Variants in CDH12 observed in about 807,000 individuals in gnomAD.
The protein encoded by CDH12 is cadherin-12.
A neutral mutation model predicts 74.1 loss-of-function variants in CDH12; 41 were observed. The observed-to-expected ratio is 0.55, with a 90% CI of 0.43 to 0.72. The LOEUF is 0.72. CDH12 is among the 30% of genes least tolerant of loss of function. CDH12 has a pLI of 0.00. For synonymous variants in CDH12, 399 were observed against 355.0 expected, an observed-to-expected ratio of 1.12 and a Z score of -1.39; for missense variants, 945 against 977.2, an observed-to-expected ratio of 0.97 and a Z score of 0.44.
Position 21,907,445 on chromosome 5 carries a change from G to A in CDH12, c.527-52655C>T, listed in dbSNP as rs916373767. On this transcript the variant is annotated intron_variant, in intron 6 of 14. Coordinates refer to ENST00000382254, the MANE Select transcript of CDH12 (RefSeq NM_004061.5). Reference sequence around the variant, plus strand: ...CACATAAAATACAATTTGCTCCTATGTTGGCAAAGGGAGGGCCTTGCAGGT... The same window carrying A: ...CACATAAAATACAATTTGCTCCTATATTGGCAAAGGGAGGGCCTTGCAGGT... Among the ~76,000 whole-genome samples the A allele has an allele frequency of 3.3e-5, 5 of 152,304 alleles. No homozygotes were observed. In the South Asian group the frequency reaches 6.2e-4, roughly 19 times the overall value.
chr5:22,830,451 C>A (rs940705767), intron 1 of CDH12, among the ~76,000 whole-genome samples: 2 of 151,736 alleles, frequency 1.3e-5, no homozygotes, highest in Non-Finnish European at 2.9e-5. Flanking sequence ...CTTGAGTTAT[C>A]TGGATATTTT....
chr5:22,235,907 G>A (rs1752544900), intron 3 of CDH12, among the ~76,000 whole-genome samples: 1 of 152,166 alleles, frequency 6.6e-6, no homozygotes, highest in Admixed American at 6.6e-5. Flanking sequence ...ACACACCTGG[G>A]CTATATGGTG....
chr5:21,966,161 T>A (rs1039702616), intron 6 of CDH12, among the ~76,000 whole-genome samples: 5 of 102,286 alleles, frequency 4.9e-5, no homozygotes, highest in African/African-American at 2.0e-4. Context: ...TTTTTACGTT[T>A]TTTTTTTTTT....
intron 1 of CDH12, among the ~76,000 whole-genome samples, chr5:22,692,368 T>C (rs1191331370): frequency 6.6e-6 from 1 of 152,222 alleles, no homozygotes; most frequent in Non-Finnish European, 1.5e-5. Context: ...CTAACCCATG[T>C]GGCATTTCAA....
intron 1 of CDH12, among the ~76,000 whole-genome samples, chr5:22,541,433 A>G (rs1738096861): frequency 6.6e-6 from 1 of 152,210 alleles, no homozygotes; most frequent in Non-Finnish European, 1.5e-5. Context: ...GTGAGGCACC[A>G]TGTTTTATCT....
intron 3 of CDH12, among the ~76,000 whole-genome samples, chr5:22,222,970 A>G (rs904917276): frequency 3.9e-5 from 6 of 151,932 alleles, no homozygotes; most frequent in African/African-American, 1.5e-4. Flanking sequence ...CAATACTTAT[A>G]TTTAATATGT....
At chr5:21,848,617 A>G (rs891105213) in intron 7 of CDH12, among the ~76,000 whole-genome samples, 2 of 151,970 alleles carry the variant, frequency 1.3e-5, no homozygotes, top group African/African-American at 2.4e-5. Context: ...TTGCATTTGT[A>G]TATGATTTTT....
At chr5:22,145,848 A>G (rs946359688) in intron 4 of CDH12, among the ~76,000 whole-genome samples, 56 of 152,212 alleles carry the variant, frequency 3.7e-4, no homozygotes, top group Middle Eastern at 3.4e-3. Flanking sequence ...AGAAGGTCTA[A>G]GTATTGAGAT....
chr5:22,541,789 G>A (rs1738112740), intron 1 of CDH12, among the ~76,000 whole-genome samples: 1 of 152,188 alleles, frequency 6.6e-6, no homozygotes, highest in Non-Finnish European at 1.5e-5. Flanking sequence ...AAATGACAAT[G>A]AGTAAAACTA....
intron 6 of CDH12, chr5:21,883,362 G>A: frequency 6.5e-7 from 1 of 1,532,008 alleles, no homozygotes. Flanking sequence ...CCAGTCCATT[G>A]TACCTGCTCT....
chr5:21,765,004 C>T lies in CDH12; in HGVS notation c.1489G>A (p.Val497Met), dbSNP rs150229492. Residue 497 changes from valine (V) to methionine (M), a missense_variant, in exon 12 of 15, where the codon GTG becomes ATG. Physicochemically the swap from Val to Met is conservative, Grantham distance 21. Around this residue, in one of 3 missense-constraint regions of CDH12, gnomAD observed 791 missense variants for 792.8 expected, o/e 1.00. Transcript: ENST00000382254. The part of the protein sequence containing the change: ...PEISVPYETA[V>M]CENAKPGQII... ...TGTCCTGGCTTGGCATTTTCACACACGGCTGTCTCATATGGCACAGATATT... is the reference window on the plus strand; with the variant it reads ...TGTCCTGGCTTGGCATTTTCACACATGGCTGTCTCATATGGCACAGATATT... The T allele has an allele frequency of 2.0e-4, 315 of 1,613,404 alleles. No individual in the cohort carries two copies. Among genetic ancestry groups the T allele is most frequent in the Non-Finnish European group, 8.1e-5 (96 of 1,179,676 alleles).
chr5:22,335,374 A>C (rs1214532635), intron 3 of CDH12, among the ~76,000 whole-genome samples: 1 of 152,132 alleles, frequency 6.6e-6, no homozygotes, highest in Non-Finnish European at 1.5e-5. Context: ...TCATGAGGTC[A>C]GGAGATCGAG....
chr5:22,382,214 A>T (rs1177544447), intron 3 of CDH12, among the ~76,000 whole-genome samples: 1 of 146,084 alleles, frequency 6.8e-6, no homozygotes, highest in Non-Finnish European at 1.5e-5. Context: ...TTATATATTT[A>T]AAATATATAA....
chr5:22,420,972 A>G (rs1383127500), intron 2 of CDH12, among the ~76,000 whole-genome samples: 1 of 152,138 alleles, frequency 6.6e-6, no homozygotes, highest in African/African-American at 2.4e-5. Flanking sequence ...GAGTTCATTC[A>G]TGATTTGGCT....
chr5:22,612,671 C>G (rs937454079), intron 1 of CDH12, among the ~76,000 whole-genome samples: 1 of 152,048 alleles, frequency 6.6e-6, no homozygotes, highest in Non-Finnish European at 1.5e-5. Flanking sequence ...TTTAAATTGA[C>G]AGTTAACTCA....
At chr5:22,718,983 G>C (rs1181133763) in intron 1 of CDH12, among the ~76,000 whole-genome samples, 3 of 152,088 alleles carry the variant, frequency 2.0e-5, no homozygotes, top group African/African-American at 7.2e-5. Flanking sequence ...TGTAAATATA[G>C]AGCTTTTACT....
At chr5:22,803,168 G>T (rs998959151) in intron 1 of CDH12, among the ~76,000 whole-genome samples, 2 of 152,118 alleles carry the variant, frequency 1.3e-5, no homozygotes, top group Non-Finnish European at 2.9e-5. Context: ...TAAAAAGACT[G>T]CGTTTATAAA....
chr5:22,136,551 A>G (rs1371000059), intron 4 of CDH12, among the ~76,000 whole-genome samples: 1 of 151,318 alleles, frequency 6.6e-6, no homozygotes, highest in African/African-American at 2.4e-5. Flanking sequence ...ATGAAGAAGA[A>G]CTTGTATGCC....
intron 2 of CDH12, among the ~76,000 whole-genome samples, chr5:22,424,023 AAAAAG>A (rs1561393227): frequency 2.7e-5 from 4 of 147,768 alleles, no homozygotes; most frequent in Non-Finnish European, 4.5e-5. Context: ...AAAAAAAAAA[AAAAAG>A]AAAAGAAAAG....
Sources: allele counts gnomAD v4.1 joint callset (sites outside exome capture counted in the v4.1 genomes callset), GRCh38; gene constraint gnomAD v4.1.1; regional missense constraint gnomAD v4.1.1; transcripts MANE v1.5; gene names NCBI Gene and HGNC (gene_info 2026-07-23, HGNC 2026-07-21).